The following SLC25A29 variants were observed in gnomAD, a reference collection of about 807,000 sequenced individuals.
SLC25A29 encodes the protein mitochondrial basic amino acids transporter.
SLC25A29 carries 13 observed loss-of-function variants against 10.0 expected under a neutral mutation model. The observed-to-expected ratio is 1.30, with a 90% CI of 0.85 to 2.07. SLC25A29 has a LOEUF of 2.07. SLC25A29 is among the 30% of genes most tolerant of loss of function. The probability of loss-of-function intolerance (pLI) is 0.00; values close to 1 mark genes in which losing one functional copy is unlikely to be tolerated. For missense variants in SLC25A29, 475 were observed against 447.6 expected, an observed-to-expected ratio of 1.06 and a Z score of -0.55; for synonymous variants, 244 against 221.1, an observed-to-expected ratio of 1.10 and a Z score of -0.92.
At chr14:100,293,541 C>T (rs1891930634) in intron 2 of SLC25A29, 164 bp from the exon 3 acceptor site, 1 of 616,442 alleles carries the variant, frequency 1.6e-6, no homozygotes, top group Admixed American at 2.7e-5. Context: ...GGTATCTATG[C>T]CTTCTCAGGA....
the SLC25A29 span, chr14:100,278,995 A>G: frequency 1.3e-5 from 2 of 152,208 alleles, no homozygotes; most frequent in African/African-American, 2.4e-5. Flanking sequence ...AATGCTAGCA[A>G]TGTGGCAATT....
At chr14:100,298,921 C>T in intron 1 of SLC25A29, 36 bp from the exon 2 acceptor site, 3 of 1,613,512 alleles carry the variant, frequency 1.9e-6, no homozygotes, top group South Asian at 2.2e-5. Flanking sequence ...ACCCACATAC[C>T]TCAGAAACAC....
the SLC25A29 span, chr14:100,280,589 ATT>A: frequency 6.6e-6 from 1 of 151,964 alleles, no homozygotes; most frequent in Non-Finnish European, 1.5e-5. Context: ...AGGCCTGAGG[ATT>A]TGAGGAAAAT....
chr14:100,299,301 T>A lies in SLC25A29; in HGVS notation c.35-416A>T, dbSNP rs374786020. The A allele has an allele frequency of 6.3e-5, 65 of 1,029,874 alleles. No individual in the cohort carries two copies. The East Asian group carries it at 3.8e-3, about 60-fold the overall frequency. The allele number at this position is 1,029,874 out of a possible 1,614,324, so 63.8% of individuals were successfully genotyped here. ...CTTTGGGGTCAGACCCTCCCCAGAT[T>A]TGAATTTTCCCCCTGCCGCTCATCA... On this transcript the variant is annotated intron_variant, in intron 1 of 3. Coordinates refer to ENST00000359232, the MANE Select transcript of SLC25A29 (RefSeq NM_001039355.3).
intron 1 of SLC25A29, 139 bp from the exon 2 acceptor site, chr14:100,299,024 C>T (rs1892364391): frequency 2.0e-6 from 3 of 1,470,960 alleles, no homozygotes; most frequent in East Asian, 2.5e-5. Flanking sequence ...CCTGTGGGTG[C>T]AGCAGGCAGA....
the SLC25A29 span, chr14:100,281,315 A>G: frequency 6.6e-6 from 1 of 152,186 alleles, no homozygotes; most frequent in Middle Eastern, 3.2e-3. Flanking sequence ...GGTGAGAGCC[A>G]AGCTGCTCAC....
chr14:100,298,364 T>G, intron 2 of SLC25A29: 2 of 170,362 alleles, frequency 1.2e-5, no homozygotes, highest in South Asian at 1.2e-4. Flanking sequence ...TTCATGGAGG[T>G]GTGGGGTGTT....
chr14:100,292,450 G>A lies in SLC25A29; in HGVS notation c.745C>T (p.Arg249Trp). 8.9e-6 allele frequency: 14 copies of A among 1,579,238 alleles called. No individual in the cohort carries two copies. In the South Asian group the frequency reaches 1.1e-4, roughly 13 times the overall value. The change falls in exon 4 of 4, where the codon CGG becomes TGG. Residue 249 changes from arginine to tryptophan, a missense_variant. Arg to Trp is a moderately radical substitution (Grantham distance 101, BLOSUM62 -3). Transcript: ENST00000359232. ...YRAEGWRVFT[R>W]GLASTLLRAF... ...CGCAGCAGCGTGGACGCCAGCCCCC[G>A]TGTGAAGACGCGCCAGCCCTCGGCG...
chr14:100,300,197 G>C (rs183415158), intron 1 of SLC25A29, among the ~76,000 whole-genome samples: 509 of 152,288 alleles, frequency 3.3e-3, no homozygotes, highest in Non-Finnish European at 5.7e-3. Flanking sequence ...CTTGAATCCA[G>C]GAGGCAGAAG....
At position 100,292,781 on chromosome 14, in the gene SLC25A29, G is replaced by T. The variant is rs1201704174; in HGVS notation, c.414C>A (p.Leu138=). The T allele has an allele frequency of 1.3e-6, 2 of 1,598,538 alleles. No homozygotes were observed. The highest frequency in any genetic ancestry group is 2.2e-5 in the South Asian group (2 of 89,352). ...GACCCTCGTGCCCGTAGATCTGCGCGAGGCAGTCCAGCGAGCCCTTGTAGG... is the reference window on the plus strand; with the variant it reads ...GACCCTCGTGCCCGTAGATCTGCGCTAGGCAGTCCAGCGAGCCCTTGTAGG... ...ARTYKGSLDC[L]AQIYGHEGLR... is the part of the protein sequence containing the mutation. The change falls in exon 4 of 4, where the codon CTC becomes CTA. Residue 138 remains leucine, a synonymous_variant. Coordinates refer to ENST00000359232, the MANE Select transcript of SLC25A29 (RefSeq NM_001039355.3).
downstream of SLC25A29, among the ~76,000 whole-genome samples, chr14:100,286,772 C>T (rs1205454772): frequency 6.6e-6 from 1 of 152,202 alleles, no homozygotes; most frequent in African/African-American, 2.4e-5. Flanking sequence ...AGCTGAGACC[C>T]AGGAGCATGG....
At chr14:100,287,309 T>A (rs768460601), downstream of SLC25A29, among the ~76,000 whole-genome samples, 1 of 152,258 alleles carries the variant, frequency 6.6e-6, no homozygotes, top group East Asian at 1.9e-4. Flanking sequence ...CTCCCCAAAC[T>A]GCCACTGCTT....
At chr14:100,293,160 A>G (rs1012711244) in intron 3 of SLC25A29, 128 bp from the exon 4 acceptor site, 43 of 1,449,956 alleles carry the variant, frequency 3.0e-5, no homozygotes, top group Non-Finnish European at 3.8e-5. Context: ...GAATTTCGTT[A>G]GAACCTAGGT....
At chr14:100,293,188 T>G (rs898297209) in intron 3 of SLC25A29, 106 bp downstream of exon 3, 6 of 1,479,108 alleles carry the variant, frequency 4.1e-6, no homozygotes, top group African/African-American at 2.8e-5. Flanking sequence ...GGCCTCCTGG[T>G]CGTCCTGACA....
At chr14:100,298,510 T>C in intron 2 of SLC25A29, 1 of 417,150 alleles carries the variant, frequency 2.4e-6, no homozygotes, top group Non-Finnish European at 4.5e-6. Flanking sequence ...TTTTTTTGTA[T>C]TTTCTCTCTG....
In SLC25A29 at chr14:100,292,607, G is replaced by A; in HGVS notation, c.588C>T (p.Gly196=). The A allele has an allele frequency of 6.2e-7, 1 of 1,604,814 alleles. No homozygotes were observed. Among genetic ancestry groups the A allele is most frequent in the Non-Finnish European group, 8.5e-7 (1 of 1,176,604 alleles). ...RLLVPKLLLA[G]GTSGIVSWLS... is the part of the protein sequence containing the mutation. ...GCCAGGACACGATGCCTGACGTACCGCCCGCCAACAGCAGCTTGGGCACCA... is the reference window on the plus strand; with the variant it reads ...GCCAGGACACGATGCCTGACGTACCACCCGCCAACAGCAGCTTGGGCACCA... The change falls in exon 4 of 4, where the codon GGC becomes GGT. Residue 196 remains glycine, a synonymous_variant. Transcript: ENST00000359232.
At chr14:100,299,258 G>A in intron 1 of SLC25A29, 3 of 1,075,670 alleles carry the variant, frequency 2.8e-6, no homozygotes, top group Non-Finnish European at 3.4e-6. Flanking sequence ...ATGGGCAGGA[G>A]GCTCCAGAGA....
At chr14:100,304,051 T>C (rs1439859064) in intron 1 of SLC25A29, among the ~76,000 whole-genome samples, 2 of 152,138 alleles carry the variant, frequency 1.3e-5, no homozygotes, top group East Asian at 3.9e-4. Flanking sequence ...GTCAAGATGC[T>C]GGCCCCGCCT....
At chr14:100,299,108 T>C in intron 1 of SLC25A29, 3 of 1,412,878 alleles carry the variant, frequency 2.1e-6, no homozygotes, top group Non-Finnish European at 2.8e-6. Context: ...AGCCAGCACC[T>C]GTCCCACTCA....
Sources: gnomAD v4.1 joint callset for allele counts (sites outside exome capture counted in the v4.1 genomes callset) on GRCh38, gnomAD v4.1.1 for gene constraint, MANE v1.5 for transcripts, NCBI Gene and HGNC (gene_info 2026-07-23, HGNC 2026-07-21) for gene names.